ZNF704: variants seen among roughly 807,000 people sequenced by gnomAD.
ZNF704 encodes zinc finger protein 704, also known as glucocorticoid induced gene 1.
ZNF704 carries 10 observed loss-of-function variants against 44.7 expected under a neutral mutation model. The observed-to-expected ratio is 0.22, with a 90% CI of 0.14 to 0.38. The LOEUF is 0.38. Ranked by LOEUF, ZNF704 falls within the 10% of genes least tolerant of loss-of-function variation. ZNF704 has a pLI of 1.00. For missense variants in ZNF704, 390 were observed against 545.5 expected (o/e 0.71, Z 2.84); for synonymous variants, 211 against 207.6 (o/e 1.02, Z -0.14).
intron 1 of ZNF704, among the ~76,000 whole-genome samples, chr8:80,849,763 A>C (rs1485355616): frequency 1.3e-5 from 2 of 152,196 alleles, no homozygotes; most frequent in African/African-American, 2.4e-5. Flanking sequence ...GAAGATGATG[A>C]GGTTTTAAGA....
chr8:80,832,762 T>G (rs529447619), intron 1 of ZNF704, among the ~76,000 whole-genome samples: 9 of 152,132 alleles, frequency 5.9e-5, no homozygotes, highest in African/African-American at 2.2e-4. Flanking sequence ...AGAGGACCAC[T>G]TGGCTGAGCA....
intron 2 of ZNF704, among the ~76,000 whole-genome samples, chr8:80,801,923 C>A (rs1230401006): frequency 6.6e-6 from 1 of 151,612 alleles, no homozygotes; most frequent in East Asian, 1.9e-4. Context: ...GGATAGATGG[C>A]CAGGCCAGAC....
chr8:80,844,497 C>T (rs533580589), intron 1 of ZNF704, among the ~76,000 whole-genome samples: 26 of 152,132 alleles, frequency 1.7e-4, no homozygotes, highest in Non-Finnish European at 2.5e-4. Flanking sequence ...AATACCATCA[C>T]ACTGGAGATT....
intron 7 of ZNF704, chr8:80,644,888 A>AG: frequency 1.2e-6 from 1 of 806,186 alleles, no homozygotes; most frequent in Non-Finnish European, 2.2e-6. Context: ...TTAGGAAGTA[A>AG]GGACAGCTGT....
At chr8:80,772,926 C>T (rs1807344438) in intron 2 of ZNF704, among the ~76,000 whole-genome samples, 1 of 152,152 alleles carries the variant, frequency 6.6e-6, no homozygotes, top group Admixed American at 6.5e-5. Flanking sequence ...CTGTGTCCTA[C>T]AAATTTTGAT....
At chr8:80,734,090 C>G (rs2131683961) in intron 2 of ZNF704, among the ~76,000 whole-genome samples, 1 of 152,298 alleles carries the variant, frequency 6.6e-6, no homozygotes, top group African/African-American at 2.4e-5. Flanking sequence ...TATGACAAGT[C>G]AACTGGTCAT....
At chr8:80,839,491 T>C (rs1389929453) in intron 1 of ZNF704, among the ~76,000 whole-genome samples, 1 of 152,160 alleles carries the variant, frequency 6.6e-6, no homozygotes, top group Non-Finnish European at 1.5e-5. Flanking sequence ...GATGACTAAA[T>C]AAAATATGTT....
At chr8:80,834,893 A>G (rs912598720) in intron 1 of ZNF704, among the ~76,000 whole-genome samples, 2 of 152,178 alleles carry the variant, frequency 1.3e-5, no homozygotes, top group African/African-American at 4.8e-5. Context: ...ATAGTATTCC[A>G]TGGTGTATAT....
chr8:80,713,967 G>A (rs763706801), intron 2 of ZNF704, among the ~76,000 whole-genome samples: 2 of 152,190 alleles, frequency 1.3e-5, no homozygotes, highest in Non-Finnish European at 2.9e-5. Context: ...AACTTGATAC[G>A]TTACACAGGG....
At chr8:80,810,804 T>C (rs1466405838) in intron 2 of ZNF704, among the ~76,000 whole-genome samples, 4 of 152,250 alleles carry the variant, frequency 2.6e-5, no homozygotes, top group Non-Finnish European at 4.4e-5. Context: ...ACAGGAATCA[T>C]GCTGCAGATT....
At chr8:80,794,508 G>A (rs10504719) in intron 2 of ZNF704, among the ~76,000 whole-genome samples, 1 of 152,012 alleles carries the variant, frequency 6.6e-6, no homozygotes, top group Admixed American at 6.5e-5. Context: ...TACTCTTCAT[G>A]AGACAAATCA....
In ZNF704 at chr8:80,813,599, C is replaced by T. The variant is rs1446907685; in HGVS notation, c.221+7775G>A. Among the ~76,000 whole-genome samples the T allele has an allele frequency of 7.2e-5, 11 of 152,174 alleles. No individual in the cohort carries two copies. In the East Asian group the frequency reaches 1.4e-3, roughly 19 times the overall value. ...GCTATAATTAAGAAAATTGAGAGGC[C>T]GGGCGCGGTGGCTCATGCCTGTAAT... On this transcript the variant is annotated intron_variant, in intron 2 of 8. Transcript: ENST00000327835.
intron 2 of ZNF704, among the ~76,000 whole-genome samples, chr8:80,794,794 G>A (rs1361581206): frequency 6.6e-6 from 1 of 152,190 alleles, no homozygotes; most frequent in Non-Finnish European, 1.5e-5. Context: ...GATGGTAAAT[G>A]TGTAAAATGA....
intron 2 of ZNF704, among the ~76,000 whole-genome samples, chr8:80,783,584 T>A (rs773737242): frequency 9.2e-5 from 14 of 152,122 alleles, no homozygotes; most frequent in Admixed American, 2.0e-4. Flanking sequence ...ATTTTTGAAT[T>A]AATAAACTTT....
At chr8:80,744,771 G>A (rs535116912) in intron 2 of ZNF704, among the ~76,000 whole-genome samples, 9 of 152,248 alleles carry the variant, frequency 5.9e-5, no homozygotes, top group African/African-American at 2.2e-4. Flanking sequence ...GTAATGAGGA[G>A]ACACACATGA....
At chr8:80,813,274 T>C (rs535017049) in intron 2 of ZNF704, among the ~76,000 whole-genome samples, 8 of 152,352 alleles carry the variant, frequency 5.3e-5, no homozygotes, top group South Asian at 4.1e-4. Flanking sequence ...CCAAGCTTTG[T>C]TGATACAGAG....
chr8:80,825,813 C>T (rs564645160), intron 1 of ZNF704, among the ~76,000 whole-genome samples: 1 of 152,300 alleles, frequency 6.6e-6, no homozygotes, highest in South Asian at 2.1e-4. Flanking sequence ...GAACACCCTG[C>T]TCCTGAATGA....
chr8:80,697,142 G>C (rs1030775666), intron 2 of ZNF704, among the ~76,000 whole-genome samples: 4 of 152,140 alleles, frequency 2.6e-5, no homozygotes, highest in Non-Finnish European at 5.9e-5. Flanking sequence ...GGGCTTACTG[G>C]GAGACTACTC....
chr8:80,648,723 T>C (rs1027133551), intron 7 of ZNF704, among the ~76,000 whole-genome samples: 3 of 152,162 alleles, frequency 2.0e-5, no homozygotes, highest in East Asian at 3.9e-4. Context: ...GTCTTCCATA[T>C]GTTATCTATT....
Sources: allele counts gnomAD v4.1 joint callset (sites outside exome capture counted in the v4.1 genomes callset), GRCh38; gene constraint gnomAD v4.1.1; transcripts MANE v1.5; gene names NCBI Gene and HGNC (gene_info 2026-07-23, HGNC 2026-07-21).